The following CPED1 variants were observed in gnomAD, a reference collection of about 807,000 sequenced individuals.
CPED1 encodes cadherin like and PC-esterase domain containing 1.
A neutral mutation model predicts 128.2 loss-of-function variants in CPED1; 114 were observed. That is an observed-to-expected ratio of 0.89 (90% CI 0.76 to 1.04). CPED1 has a LOEUF of 1.04. Among genes scored for constraint, CPED1 ranks in the 50% least tolerant of loss-of-function variants. The pLI, the probability that CPED1 is intolerant of heterozygous loss-of-function variation, is 0.00. For missense variants in CPED1, 1,211 were observed against 1,207.1 expected (o/e 1.00, Z -0.05); for synonymous variants, 462 against 426.7 (o/e 1.08, Z -1.02).
At chr7:121,031,937 G>A (rs1055619328) in intron 3 of CPED1, among the ~76,000 whole-genome samples, 1 of 152,056 alleles carries the variant, frequency 6.6e-6, no homozygotes, top group African/African-American at 2.4e-5. Flanking sequence ...TTAAAATATA[G>A]TGTATTACTT....
chr7:121,026,815 C>T (rs906807865), intron 3 of CPED1, among the ~76,000 whole-genome samples: 2 of 147,976 alleles, frequency 1.4e-5, no homozygotes, highest in African/African-American at 2.5e-5. Flanking sequence ...CTAGAGCTCC[C>T]TCCTGTCAGT....
chr7:121,055,029 G>C (rs1317212233), intron 4 of CPED1, among the ~76,000 whole-genome samples: 1 of 152,078 alleles, frequency 6.6e-6, no homozygotes, highest in Admixed American at 6.6e-5. Context: ...GTGTCAATTA[G>C]CAGTTTATTC....
At position 120,994,827 on chromosome 7, in the gene CPED1, G is replaced by A. The variant is rs555999726; in HGVS notation, c.249+4957G>A. 2.6e-5 allele frequency among the ~76,000 whole-genome samples: 4 copies of A among 152,276 alleles called. No individual in the cohort carries two copies. The East Asian group carries it at 5.8e-4, about 22-fold the overall frequency. The stretch of plus-strand genomic sequence containing the variant: ...AGCAAAGACTGGCATAAATACATAA[G>A]TGTATTAGAGAGAAAGTGAGAAAAC... On this transcript the variant is annotated intron_variant, in intron 2 of 22. Transcript: ENST00000310396.
chr7:121,072,823 G>A (rs900178710), intron 5 of CPED1, among the ~76,000 whole-genome samples: 1 of 152,160 alleles, frequency 6.6e-6, no homozygotes, highest in African/African-American at 2.4e-5. Flanking sequence ...AAAAGTTTTT[G>A]TGTATACATT....
At chr7:121,200,535 C>G (rs1330061954) in intron 16 of CPED1, among the ~76,000 whole-genome samples, 1 of 151,976 alleles carries the variant, frequency 6.6e-6, no homozygotes, top group African/African-American at 2.4e-5. Flanking sequence ...GTTCTGGGAG[C>G]CTTTTTGGGA....
At position 121,266,451 on chromosome 7, in the gene CPED1, C is replaced by A; in HGVS notation, c.2531+4C>A. ...CACTTGAACACCTCTTGCAAAGGTA[C>A]AATGAAACTATAATGAAAGACACAA... On this transcript the variant is annotated splice_donor_region_variant and intron_variant, in intron 19 of 22. Transcript: ENST00000310396. 6.2e-7 allele frequency: 1 copy of A among 1,605,230 alleles called. No individual in the cohort carries two copies. The highest frequency in any genetic ancestry group is 8.5e-7 in the Non-Finnish European group (1 of 1,172,408).
At chr7:121,186,830 C>T (rs968465770) in intron 16 of CPED1, among the ~76,000 whole-genome samples, 3 of 152,064 alleles carry the variant, frequency 2.0e-5, no homozygotes, top group Admixed American at 2.0e-4. Flanking sequence ...ATTCTTGACC[C>T]AGTTTCTCAA....
At chr7:121,256,687 A>C (rs1444011325) in intron 18 of CPED1, among the ~76,000 whole-genome samples, 1 of 152,054 alleles carries the variant, frequency 6.6e-6, no homozygotes, top group Non-Finnish European at 1.5e-5. Context: ...TGACCCAGCA[A>C]ACCCATTACT....
At chr7:121,148,233 T>G (rs2116391052) in intron 16 of CPED1, among the ~76,000 whole-genome samples, 1 of 152,282 alleles carries the variant, frequency 6.6e-6, no homozygotes, top group Middle Eastern at 3.4e-3. Context: ...TAGTAACATT[T>G]ATTAAGTACC....
intron 5 of CPED1, among the ~76,000 whole-genome samples, chr7:121,095,007 C>A (rs147751026): frequency 6.6e-6 from 1 of 152,108 alleles, no homozygotes; most frequent in African/African-American, 2.4e-5. Flanking sequence ...GCATATTATG[C>A]GGGCAGGAAA....
intron 4 of CPED1, among the ~76,000 whole-genome samples, chr7:121,052,387 C>T (rs961896402): frequency 6.6e-6 from 1 of 152,226 alleles, no homozygotes; most frequent in African/African-American, 2.4e-5. Flanking sequence ...TCCCGTGACT[C>T]TTTTGTCCCC....
chr7:121,119,210 C>A, intron 7 of CPED1, among the ~76,000 whole-genome samples: 1 of 146,296 alleles, frequency 6.8e-6, no homozygotes, highest in Admixed American at 7.0e-5. Context: ...TTTTCTATTG[C>A]GAAATATAGG....
At chr7:121,233,879 C>T (rs1287005672) in intron 16 of CPED1, among the ~76,000 whole-genome samples, 2 of 151,994 alleles carry the variant, frequency 1.3e-5, no homozygotes, top group Non-Finnish European at 2.9e-5. Context: ...ACAGCATCAC[C>T]AATACCCTAG....
chr7:121,295,297 C>A, intron 22 of CPED1, 143 bp from the exon 23 acceptor site: 1 of 997,246 alleles, frequency 1.0e-6, no homozygotes, highest in Non-Finnish European at 1.4e-6. Context: ...TAAGTTATAG[C>A]CATTCCTGGT....
intron 20 of CPED1, 21 bp downstream of exon 20, chr7:121,266,829 T>C: frequency 6.5e-7 from 1 of 1,541,192 alleles, no homozygotes; most frequent in East Asian, 2.3e-5. Flanking sequence ...GCAACAATAA[T>C]TGTCATTAGT....
chr7:121,196,111 A>C (rs1173728222), intron 16 of CPED1, among the ~76,000 whole-genome samples: 1 of 152,078 alleles, frequency 6.6e-6, no homozygotes, highest in Non-Finnish European at 1.5e-5. Flanking sequence ...CATGTCATTC[A>C]GTTTTCAGAA....
At chr7:121,017,160 G>T (rs967817048) in intron 3 of CPED1, among the ~76,000 whole-genome samples, 2 of 152,144 alleles carry the variant, frequency 1.3e-5, no homozygotes, top group Non-Finnish European at 2.9e-5. Flanking sequence ...CTTAAAATAC[G>T]CAGAGCCTGG....
chr7:121,162,334 G>T (rs1796428421), intron 16 of CPED1, among the ~76,000 whole-genome samples: 1 of 152,170 alleles, frequency 6.6e-6, no homozygotes, highest in Non-Finnish European at 1.5e-5. Flanking sequence ...AATTTTAATG[G>T]AAGACTTCTC....
At chr7:121,249,234 C>T (rs532001175) in intron 18 of CPED1, among the ~76,000 whole-genome samples, 4 of 152,144 alleles carry the variant, frequency 2.6e-5, no homozygotes, top group African/African-American at 9.6e-5. Context: ...AGATAATAGA[C>T]AACTTAGAAA....
Sources: gnomAD v4.1 joint callset for allele counts (sites outside exome capture counted in the v4.1 genomes callset) on GRCh38, gnomAD v4.1.1 for gene constraint, MANE v1.5 for transcripts, NCBI Gene and HGNC (gene_info 2026-07-23, HGNC 2026-07-21) for gene names.